The following PTPRK variants were observed in gnomAD, a reference collection of about 807,000 sequenced individuals.
PTPRK encodes receptor-type tyrosine-protein phosphatase kappa.
Under a neutral mutation model 178.0 loss-of-function variants are expected in PTPRK, and 75 were observed. That is an observed-to-expected ratio of 0.42 (90% CI 0.35 to 0.51). The LOEUF (loss-of-function observed/expected upper bound fraction) is 0.51. PTPRK is among the 20% of genes least tolerant of loss of function. PTPRK has a pLI of 0.02. For missense variants in PTPRK, 1,441 were observed against 1,797.8 expected (o/e 0.80, Z 3.59); for synonymous variants, 637 against 620.6 (o/e 1.03, Z -0.39).
intron 7 of PTPRK, among the ~76,000 whole-genome samples, chr6:128,116,500 G>C (rs949734190): frequency 6.6e-6 from 1 of 152,170 alleles, no homozygotes; most frequent in Admixed American, 6.5e-5. Flanking sequence ...ACCAAAGAGG[G>C]ACAGATAAGA....
intron 13 of PTPRK, among the ~76,000 whole-genome samples, chr6:128,046,843 T>C (rs572625750): frequency 2.1e-4 from 32 of 152,292 alleles, no homozygotes; most frequent in African/African-American, 7.2e-4. Flanking sequence ...TCTAAACGCA[T>C]GGAGTACAAC....
intron 6 of PTPRK, among the ~76,000 whole-genome samples, chr6:128,210,130 G>T (rs1292207116): frequency 6.6e-6 from 1 of 152,138 alleles, no homozygotes; most frequent in African/African-American, 2.4e-5. Flanking sequence ...ACAGAGACAA[G>T]TGGTGGCAGT....
chr6:128,119,464 G>A (rs1792098362), intron 7 of PTPRK, among the ~76,000 whole-genome samples: 1 of 151,784 alleles, frequency 6.6e-6, no homozygotes, highest in Admixed American at 6.6e-5. Context: ...AACTTCTTTA[G>A]GTGTAATGAA....
intron 2 of PTPRK, among the ~76,000 whole-genome samples, chr6:128,366,446 T>C (rs914806174): frequency 2.6e-5 from 4 of 152,166 alleles, no homozygotes; most frequent in African/African-American, 9.7e-5. Flanking sequence ...ATAAAAATTG[T>C]GGCTCTTCTT....
chr6:128,115,337 C>A (rs1268529874), intron 7 of PTPRK, among the ~76,000 whole-genome samples: 1 of 152,066 alleles, frequency 6.6e-6, no homozygotes, highest in East Asian at 1.9e-4. Flanking sequence ...AGGAAATGTA[C>A]CTTCTATAGC....
chr6:128,083,840 A>AT lies in PTPRK; in HGVS notation c.1466-17dup. On this transcript the variant is annotated splice_polypyrimidine_tract_variant and intron_variant, in intron 8 of 29. Transcript: ENST00000368226. Reference sequence around the variant, plus strand: ...GGACCAGGCACTACAAAACACATGAATTTTTTGTTATGAAAATGCTTACAT... The same window carrying AT: ...GGACCAGGCACTACAAAACACATGAATTTTTTTGTTATGAAAATGCTTACAT... 2 of 1,437,740 alleles carry AT rather than the reference A, an allele frequency of 1.4e-6. No homozygotes were observed. Among genetic ancestry groups the AT allele is most frequent in the South Asian group, 1.4e-5 (1 of 72,540 alleles). 89.1% of individuals were successfully genotyped at this position (1,437,740 alleles called of 1,614,324 possible).
chr6:128,306,445 A>T (rs1389634645), intron 3 of PTPRK, among the ~76,000 whole-genome samples: 1 of 152,176 alleles, frequency 6.6e-6, no homozygotes, highest in African/African-American at 2.4e-5. Context: ...AAACAGAGAG[A>T]GCCTTAGGGA....
At chr6:128,393,760 T>TATATA (rs1388473609) in intron 2 of PTPRK, among the ~76,000 whole-genome samples, 1 of 152,226 alleles carries the variant, frequency 6.6e-6, no homozygotes, top group Admixed American at 6.5e-5. Flanking sequence ...ATTTTATATC[T>TATATA]TTTGTTCTAA....
intron 1 of PTPRK, among the ~76,000 whole-genome samples, chr6:128,467,622 A>G (rs971254579): frequency 6.6e-6 from 1 of 152,196 alleles, no homozygotes; most frequent in East Asian, 1.9e-4. Flanking sequence ...ACTTCTCTTC[A>G]TGTTCTTGGC....
intron 7 of PTPRK, among the ~76,000 whole-genome samples, chr6:128,166,719 G>A (rs895926439): frequency 6.6e-6 from 1 of 151,378 alleles, no homozygotes; most frequent in Non-Finnish European, 1.5e-5. Flanking sequence ...TATCCCCCAA[G>A]TTCATTTATT....
At chr6:128,312,214 C>T (rs1364441061) in intron 3 of PTPRK, among the ~76,000 whole-genome samples, 2 of 152,168 alleles carry the variant, frequency 1.3e-5, no homozygotes, top group African/African-American at 4.8e-5. Context: ...GTCTTTTGAC[C>T]TACATGCAAA....
chr6:128,465,325 T>G (rs1248127541), intron 1 of PTPRK, among the ~76,000 whole-genome samples: 1 of 152,202 alleles, frequency 6.6e-6, no homozygotes, highest in Non-Finnish European at 1.5e-5. Context: ...GATATTAATT[T>G]TGCAAATCCA....
chr6:128,059,669 G>A (rs545620478), intron 13 of PTPRK, among the ~76,000 whole-genome samples: 2 of 152,148 alleles, frequency 1.3e-5, no homozygotes, highest in South Asian at 4.2e-4. Context: ...CCGTAGACGT[G>A]GCCATAAATG....
chr6:127,983,903 G>A (rs1775638869), intron 22 of PTPRK, among the ~76,000 whole-genome samples: 1 of 151,714 alleles, frequency 6.6e-6, no homozygotes, highest in Admixed American at 6.6e-5. Flanking sequence ...AAATGCAAAT[G>A]GTGGGGGTGG....
intron 2 of PTPRK, among the ~76,000 whole-genome samples, chr6:128,360,201 T>G (rs1048268663): frequency 5.9e-5 from 9 of 152,114 alleles, no homozygotes; most frequent in African/African-American, 2.2e-4. Context: ...TAACAAAAAT[T>G]TATCAAAGTT....
chr6:128,223,277 T>A (rs1562819617), intron 5 of PTPRK, among the ~76,000 whole-genome samples: 1 of 152,006 alleles, frequency 6.6e-6, no homozygotes, highest in Non-Finnish European at 1.5e-5. Flanking sequence ...ACATAAATCC[T>A]CCTTAGGCTT....
chr6:128,290,020 C>T (rs1393354944), intron 3 of PTPRK, among the ~76,000 whole-genome samples: 3 of 151,996 alleles, frequency 2.0e-5, no homozygotes, highest in Admixed American at 1.3e-4. Flanking sequence ...GATGGAAAAC[C>T]ATTCCATTTT....
At chr6:128,344,819 C>T (rs769283334) in intron 2 of PTPRK, among the ~76,000 whole-genome samples, 2 of 152,014 alleles carry the variant, frequency 1.3e-5, no homozygotes, top group Non-Finnish European at 1.5e-5. Flanking sequence ...CCTGGCCCAC[C>T]CCTCACTTCT....
intron 13 of PTPRK, among the ~76,000 whole-genome samples, chr6:128,030,707 A>G (rs1482244578): frequency 1.3e-5 from 2 of 152,186 alleles, no homozygotes; most frequent in Admixed American, 6.6e-5. Context: ...TATTCTTTTA[A>G]AAACAGTTGA....
Sources: gnomAD v4.1 joint callset for allele counts (sites outside exome capture counted in the v4.1 genomes callset) on GRCh38, gnomAD v4.1.1 for gene constraint, MANE v1.5 for transcripts, NCBI Gene and HGNC (gene_info 2026-07-23, HGNC 2026-07-21) for gene names.